RAG1: variants seen among roughly 807,000 people sequenced by gnomAD.
RAG1 encodes recombination activating 1, also known as V(D)J recombination-activating protein 1.
In RAG1, 35 loss-of-function variants were observed where a neutral mutation model predicts 62.7. That is an observed-to-expected ratio of 0.56 (90% CI 0.43 to 0.74). RAG1 has a LOEUF of 0.74. Among genes scored for constraint, RAG1 ranks in the 30% least tolerant of loss-of-function variants. The probability of loss-of-function intolerance (pLI) is 0.00; values close to 1 mark genes in which losing one functional copy is unlikely to be tolerated. For synonymous variants in RAG1, 461 were observed against 470.3 expected, an observed-to-expected ratio of 0.98 and a Z score of 0.26; for missense variants, 1,169 against 1,278.6, an observed-to-expected ratio of 0.91 and a Z score of 1.31.
At chr11:36,568,285 AGGCCAAGTTTAG>A (rs1224945346) in intron 1 of RAG1, among the ~76,000 whole-genome samples, 163 bp downstream of exon 1, 1 of 152,210 alleles carries the variant, frequency 6.6e-6, no homozygotes, top group Non-Finnish European at 1.5e-5. Flanking sequence ...AAGGTACAAG[AGGCCAAGTTTAG>A]GGCCACTGAA....
chr11:36,536,676 T>A (rs180764407), downstream of RAG1, among the ~76,000 whole-genome samples: 9 of 151,466 alleles, frequency 5.9e-5, no homozygotes, highest in African/African-American at 2.2e-4. Flanking sequence ...GATGAGGATA[T>A]ATAAAGTAAA....
chr11:36,532,849 C>A, intron 2 of RAG1, among the ~76,000 whole-genome samples: 1 of 152,120 alleles, frequency 6.6e-6, no homozygotes, highest in East Asian at 1.9e-4. Flanking sequence ...ACTTTTATTA[C>A]AGTACATTGT....
chr11:36,518,790 G>A (rs1277635397), intron 1 of RAG1, among the ~76,000 whole-genome samples: 1 of 152,148 alleles, frequency 6.6e-6, no homozygotes, highest in Admixed American at 6.5e-5. Context: ...CATTCTATAG[G>A]TTGCCTGTTC....
intron 3 of RAG1, among the ~76,000 whole-genome samples, chr11:36,541,507 C>G (rs1490217133): frequency 6.6e-6 from 1 of 152,048 alleles, no homozygotes. Flanking sequence ...TGCTGGTAGG[C>G]CTTTTGACAC....
At chr11:36,570,552 G>GT (rs1230465429) in intron 1 of RAG1, among the ~76,000 whole-genome samples, 1 of 152,138 alleles carries the variant, frequency 6.6e-6, no homozygotes, top group Admixed American at 6.5e-5. Context: ...TAGGACTGCT[G>GT]GATCATATAA....
rs183563850 is a variant in RAG1 at position 36,516,513 on chromosome 11, G to A, written n.331-3619G>A. 3.4e-3 allele frequency among the ~76,000 whole-genome samples: 519 copies of A among 152,250 alleles called. 5 individuals are homozygous for A. Among genetic ancestry groups the A allele is most frequent in the African/African-American group, 0.012 (485 of 41,554 alleles). The stretch of plus-strand genomic sequence containing the variant: ...ATTTTTTTGTATTTTTAGTAGAGAC[G>A]GAGTTTCACCGTGTTAGCCAGGATG... On this transcript the variant is annotated intron_variant and non_coding_transcript_variant, in intron 1 of 2. Transcript: ENST00000529126.
chr11:36,525,447 T>C, intron 2 of RAG1, among the ~76,000 whole-genome samples: 1 of 152,178 alleles, frequency 6.6e-6, no homozygotes. Flanking sequence ...AGTATTTTGG[T>C]AAGAATTGTG....
At chr11:36,541,658 T>A (rs1860419949) in intron 3 of RAG1, among the ~76,000 whole-genome samples, 1 of 152,152 alleles carries the variant, frequency 6.6e-6, no homozygotes, top group Non-Finnish European at 1.5e-5. Context: ...TGCCTGCTTG[T>A]TGGTCTCTCC....
At chr11:36,528,963 A>G (rs1160357301) in intron 2 of RAG1, among the ~76,000 whole-genome samples, 2 of 152,190 alleles carry the variant, frequency 1.3e-5, no homozygotes, top group African/African-American at 4.8e-5. Flanking sequence ...GAATCTCTGT[A>G]TAGACCAATA....
intron 2 of RAG1, among the ~76,000 whole-genome samples, chr11:36,533,634 C>T (rs1860286371): frequency 6.6e-6 from 1 of 152,142 alleles, no homozygotes; most frequent in Non-Finnish European, 1.5e-5. Context: ...ATGATCTCAG[C>T]TAAAATGTTT....
chr11:36,547,794 A>T (rs1312799931), intron 3 of RAG1, among the ~76,000 whole-genome samples: 1 of 152,202 alleles, frequency 6.6e-6, no homozygotes, highest in Admixed American at 6.5e-5. Context: ...CATCATTCTG[A>T]TACCAAAACC....
chr11:36,543,746 A>C (rs1397076977), intron 3 of RAG1, among the ~76,000 whole-genome samples: 1 of 152,252 alleles, frequency 6.6e-6, no homozygotes, highest in Non-Finnish European at 1.5e-5. Flanking sequence ...CAGAAGGCTT[A>C]GGTTAAGGCA....
upstream of RAG1, chr11:36,567,409 T>A (rs2133286522): frequency 6.6e-6 from 1 of 152,322 alleles, no homozygotes; most frequent in South Asian, 2.1e-4. Flanking sequence ...ATCAAAGGCC[T>A]GAGTCAAGAT....
intron 1 of RAG1, among the ~76,000 whole-genome samples, chr11:36,518,426 A>G (rs1235072251): frequency 6.6e-6 from 1 of 152,204 alleles, no homozygotes; most frequent in Non-Finnish European, 1.5e-5. Flanking sequence ...ACTGACTTCC[A>G]CTATAGTTGA....
chr11:36,533,587 C>A (rs1271713475), intron 2 of RAG1, among the ~76,000 whole-genome samples: 1 of 149,828 alleles, frequency 6.7e-6, no homozygotes, highest in African/African-American at 2.5e-5. Flanking sequence ...TTTGTCTCTT[C>A]CTTTTCATGG....
intron 2 of RAG1, among the ~76,000 whole-genome samples, chr11:36,531,074 T>C (rs1265925109): frequency 6.6e-6 from 1 of 151,812 alleles, no homozygotes; most frequent in Non-Finnish European, 1.5e-5. Context: ...TTTTTTGCAT[T>C]ATATAAGCTC....
upstream of RAG1, among the ~76,000 whole-genome samples, chr11:36,563,718 A>T (rs994376315): frequency 6.6e-6 from 1 of 152,240 alleles, no homozygotes; most frequent in African/African-American, 2.4e-5. Flanking sequence ...AAACATAATT[A>T]AATTAAATTA....
In RAG1 at chr11:36,573,380, T is replaced by C; in HGVS notation, c.76T>C (p.Ser26Pro). The C allele has an allele frequency of 3.7e-6, 6 of 1,614,112 alleles. No homozygotes were observed. Among genetic ancestry groups the C allele is most frequent in the Non-Finnish European group, 5.1e-6 (6 of 1,180,008 alleles). The part of the protein sequence containing the change: ...DEIQHPHIKF[S>P]EWKFKLFRVR... ...AATTCAGCACCCACATATTAAATTTTCAGAATGGAAATTTAAGCTGTTCCG... is the reference window on the plus strand; with the variant it reads ...AATTCAGCACCCACATATTAAATTTCCAGAATGGAAATTTAAGCTGTTCCG... Residue 26 changes from serine to proline, a missense_variant, in exon 2 of 2, where the codon TCA becomes CCA. Ser to Pro is a moderately conservative substitution (Grantham distance 74). Coordinates refer to ENST00000299440, the MANE Select transcript of RAG1 (RefSeq NM_000448.3).
chr11:36,559,131 T>G (rs1266984589), intron 3 of RAG1, among the ~76,000 whole-genome samples: 3 of 152,028 alleles, frequency 2.0e-5, no homozygotes, highest in Admixed American at 6.6e-5. Context: ...TGATTGACAG[T>G]TTTTTTTATT....
Sources: allele counts gnomAD v4.1 joint callset (sites outside exome capture counted in the v4.1 genomes callset), GRCh38; gene constraint gnomAD v4.1.1; transcripts MANE v1.5; gene names NCBI Gene and HGNC (gene_info 2026-07-23, HGNC 2026-07-21).